The following CADPS2 variants were observed in gnomAD, a reference collection of about 807,000 sequenced individuals.
The protein encoded by CADPS2 is calcium-dependent secretion activator 2.
Under a neutral mutation model 172.5 loss-of-function variants are expected in CADPS2, and 93 were observed. The ratio of observed to expected loss-of-function variants is 0.54; its 90% CI spans 0.46 to 0.64. CADPS2 has a LOEUF of 0.64. Among genes scored for constraint, CADPS2 ranks in the 30% least tolerant of loss-of-function variants. The pLI is 0.00. For missense variants in CADPS2, 1,420 were observed against 1,565.9 expected, an observed-to-expected ratio of 0.91 and a Z score of 1.57; for synonymous variants, 546 against 555.2, an observed-to-expected ratio of 0.98 and a Z score of 0.23.
intron 1 of CADPS2, among the ~76,000 whole-genome samples, chr7:122,808,724 A>G (rs1481188684): frequency 2.0e-5 from 3 of 152,222 alleles, no homozygotes; most frequent in Non-Finnish European, 2.9e-5. Context: ...TTCTGCTTCA[A>G]TACAACCAAG....
At chr7:122,602,731 C>T (rs1041568296) in intron 6 of CADPS2, among the ~76,000 whole-genome samples, 3 of 152,050 alleles carry the variant, frequency 2.0e-5, no homozygotes, top group African/African-American at 4.8e-5. Flanking sequence ...TCTCTTCTTA[C>T]CACTGAGGAC....
At chr7:122,706,827 T>G (rs1403448845) in intron 2 of CADPS2, among the ~76,000 whole-genome samples, 1 of 150,222 alleles carries the variant, frequency 6.7e-6, no homozygotes, top group East Asian at 2.0e-4. Flanking sequence ...TATATATGTA[T>G]GTACACACAC....
chr7:122,716,171 A>G (rs184462801), intron 2 of CADPS2, among the ~76,000 whole-genome samples: 7 of 152,224 alleles, frequency 4.6e-5, no homozygotes, highest in Admixed American at 4.6e-4. Context: ...TAAAAAACTG[A>G]TCTGAAGTAA....
intron 1 of CADPS2, among the ~76,000 whole-genome samples, chr7:122,743,680 A>T (rs2092598432): frequency 6.6e-6 from 1 of 152,214 alleles, no homozygotes; most frequent in Admixed American, 6.5e-5. Context: ...CTAGGCACAG[A>T]TGTTTCTTAA....
chr7:122,568,127 A>G (rs1472950156), intron 7 of CADPS2, among the ~76,000 whole-genome samples: 1 of 152,058 alleles, frequency 6.6e-6, no homozygotes, highest in East Asian at 1.9e-4. Flanking sequence ...GGCTGGGCAC[A>G]GTGGCTCATG....
At chr7:122,661,129 G>C (rs1396606789) in intron 3 of CADPS2, among the ~76,000 whole-genome samples, 5 of 152,086 alleles carry the variant, frequency 3.3e-5, no homozygotes, top group Non-Finnish European at 5.9e-5. Context: ...CACGATAAAG[G>C]AGTCAATTCT....
In CADPS2 at chr7:122,731,549, T is replaced by C. The variant is rs142412243; in HGVS notation, c.453+5406A>G. Reference sequence around the variant, plus strand: ...GCAGAGTCAGATGATGTTTCCTAAATTGAAAAATAGACCAAAACCAAAAAA... The same window carrying C: ...GCAGAGTCAGATGATGTTTCCTAAACTGAAAAATAGACCAAAACCAAAAAA... On this transcript the variant is annotated intron_variant, in intron 2 of 29. Transcript: ENST00000449022. Among the ~76,000 whole-genome samples the C allele has an allele frequency of 3.0e-3, 453 of 151,364 alleles. No homozygotes were observed. In the Middle Eastern group the frequency reaches 0.034, roughly 11 times the overall value.
intron 1 of CADPS2, among the ~76,000 whole-genome samples, chr7:122,740,643 ACT>A (rs2092417268): frequency 6.6e-6 from 1 of 152,164 alleles, no homozygotes; most frequent in Admixed American, 6.5e-5. Context: ...AAAAAAATAA[ACT>A]CTATTAAAAA....
intron 2 of CADPS2, among the ~76,000 whole-genome samples, chr7:122,706,443 C>CTTATATATTCAAGGAATATATATATGT (rs2087510450): frequency 7.2e-6 from 1 of 138,736 alleles, no homozygotes; most frequent in African/African-American, 2.6e-5. Context: ...TATATATATG[C>CTTATATATTCAAGGAATATATATATGT]TTATATATTC....
intron 1 of CADPS2, among the ~76,000 whole-genome samples, chr7:122,860,145 C>CTCCCA (rs58911261): frequency 0.44 from 66,984 of 151,528 alleles, 17,184 homozygotes; most frequent in African/African-American, 0.72. Context: ...TCCCAACTTC[C>CTCCCA]TCCCAAGTTC....
intron 17 of CADPS2, 63 bp from the exon 18 acceptor site, chr7:122,416,227 C>A (rs1031427686): frequency 2.4e-6 from 2 of 827,332 alleles, no homozygotes; most frequent in Non-Finnish European, 3.8e-6. Context: ...TATTTGAAGA[C>A]GTAATGATGA....
intron 2 of CADPS2, among the ~76,000 whole-genome samples, chr7:122,671,949 G>A (rs2081912978): frequency 6.6e-6 from 1 of 152,088 alleles, no homozygotes; most frequent in Non-Finnish European, 1.5e-5. Flanking sequence ...GCTCATATAC[G>A]AAAGGAGTAT....
intron 7 of CADPS2, among the ~76,000 whole-genome samples, chr7:122,578,798 A>C (rs1001744855): frequency 6.6e-6 from 1 of 152,172 alleles, no homozygotes; most frequent in African/African-American, 2.4e-5. Context: ...GGAAAATAGT[A>C]AACAGACTCT....
chr7:122,830,984 G>C (rs1274511407), intron 1 of CADPS2, among the ~76,000 whole-genome samples: 1 of 152,110 alleles, frequency 6.6e-6, no homozygotes, highest in Non-Finnish European at 1.5e-5. Flanking sequence ...AGGAAGAAAA[G>C]TCCAACATCA....
chr7:122,491,792 C>T (rs116810629), intron 9 of CADPS2, among the ~76,000 whole-genome samples: 1,619 of 152,242 alleles, frequency 0.011, 33 homozygotes, highest in African/African-American at 0.037. Flanking sequence ...AATATGCTAA[C>T]GTAGGCTATA....
chr7:122,438,490 G>A (rs1033097587), intron 16 of CADPS2, 26 bp from the exon 17 acceptor site: 2 of 1,611,028 alleles, frequency 1.2e-6, no homozygotes, highest in Middle Eastern at 3.3e-4. Context: ...GTGGAAGGGT[G>A]AGGGGCAGGG....
chr7:122,722,743 C>G (rs1036412382), intron 2 of CADPS2, among the ~76,000 whole-genome samples: 1 of 144,318 alleles, frequency 6.9e-6, no homozygotes, highest in African/African-American at 2.6e-5. Flanking sequence ...GCCAAAAGAA[C>G]AAAGCTGGAG....
At chr7:122,701,877 G>A in intron 2 of CADPS2, 1 of 1,613,090 alleles carries the variant, frequency 6.2e-7, no homozygotes, top group Non-Finnish European at 8.5e-7. Context: ...CATGTCCTAT[G>A]GGCTAAAAGC....
chr7:122,696,696 A>G (rs2085159986), intron 2 of CADPS2, among the ~76,000 whole-genome samples: 2 of 152,218 alleles, frequency 1.3e-5, no homozygotes, highest in African/African-American at 2.4e-5. Flanking sequence ...GCTGAACTGT[A>G]ATAATAAATT....
Sources: gnomAD v4.1 joint callset for allele counts (sites outside exome capture counted in the v4.1 genomes callset) on GRCh38, gnomAD v4.1.1 for gene constraint, MANE v1.5 for transcripts, NCBI Gene and HGNC (gene_info 2026-07-23, HGNC 2026-07-21) for gene names.